The following KCNK12 variants were observed in gnomAD, a reference collection of about 807,000 sequenced individuals.
KCNK12 encodes the protein potassium two pore domain channel subfamily K member 12.
Under a neutral mutation model 25.3 loss-of-function variants are expected in KCNK12, and 6 were observed. That is an observed-to-expected ratio of 0.24 (90% CI 0.13 to 0.47). The LOEUF is 0.47. Among genes scored for constraint, KCNK12 ranks in the 20% least tolerant of loss-of-function variants. The pLI is 0.99. For missense variants in KCNK12, 444 were observed against 661.7 expected (o/e 0.67, Z 3.61); for synonymous variants, 331 against 311.1 (o/e 1.06, Z -0.67).
chr2:47,558,170 C>A (rs1669588920), intron 1 of KCNK12, among the ~76,000 whole-genome samples: 2 of 152,240 alleles, frequency 1.3e-5, no homozygotes, highest in Admixed American at 1.3e-4. Flanking sequence ...GTGCCAGGCA[C>A]TGGAGACATG....
chr2:47,535,439 C>T (rs1320888373), intron 1 of KCNK12, among the ~76,000 whole-genome samples: 1 of 152,122 alleles, frequency 6.6e-6, no homozygotes, highest in Non-Finnish European at 1.5e-5. Flanking sequence ...GGGTAAGGTG[C>T]ACCCCTCCTC....
rs566945598 is a variant in KCNK12 at position 47,562,529 on chromosome 2, C to T, written c.391+7412G>A. ...GAGGCAGCACTCACAAGACAGAGTCCGGAGCATTCTCCACCACAGCCAGTG... is the reference window on the plus strand; with the variant it reads ...GAGGCAGCACTCACAAGACAGAGTCTGGAGCATTCTCCACCACAGCCAGTG... On this transcript the variant is annotated intron_variant, in intron 1 of 1. Coordinates refer to ENST00000327876, the MANE Select transcript of KCNK12 (RefSeq NM_022055.2). This position sits in a 1 kb window ranked among gnomAD's most constrained non-coding sequence, Gnocchi z 4.8. 1.5e-4 allele frequency: 35 copies of T among 236,376 alleles called. 1 individual carries two copies. The South Asian group carries it at 4.7e-3, about 32-fold the overall frequency. 14.6% of individuals were successfully genotyped at this position (236,376 alleles called of 1,614,324 possible).
intron 1 of KCNK12, among the ~76,000 whole-genome samples, chr2:47,534,438 C>G (rs1173908389): frequency 6.9e-6 from 1 of 144,202 alleles, no homozygotes; most frequent in Non-Finnish European, 1.5e-5. Context: ...CCAGGCCCCC[C>G]CCACCGCCAC....
chr2:47,561,656 A>C (rs959990389), intron 1 of KCNK12, among the ~76,000 whole-genome samples: 5 of 152,192 alleles, frequency 3.3e-5, no homozygotes, highest in African/African-American at 1.2e-4. Flanking sequence ...CATGGTTACC[A>C]GGCACTGCAC....
rs562687999 is a variant in KCNK12, at chr2:47,560,748, G to A, written c.391+9193C>T. 6.6e-6 allele frequency among the ~76,000 whole-genome samples: 1 copy of A among 152,324 alleles called. No homozygotes were observed. The highest frequency in any genetic ancestry group is 2.4e-5 in the African/African-American group (1 of 41,566). ...AGTGAACTGGCAAACATGACATGTG[G>A]CAGGGAGGGGAGTCAATCAGGGAGA... On this transcript the variant is annotated intron_variant, in intron 1 of 1. Transcript: ENST00000327876. The surrounding 1 kb of genome is among the most constrained non-coding windows in gnomAD (Gnocchi z 4.7).
At chr2:47,526,867 C>T (rs537750259) in intron 1 of KCNK12, among the ~76,000 whole-genome samples, 4 of 152,212 alleles carry the variant, frequency 2.6e-5, no homozygotes, top group Admixed American at 6.5e-5. Flanking sequence ...TTTCCAGTGT[C>T]GGCCCATTTA....
In KCNK12 at chr2:47,514,542, C is replaced by T. The variant is rs1165587599; in HGVS notation, c.*6365G>A. Among the ~76,000 whole-genome samples the T allele has an allele frequency of 6.6e-6, 1 of 152,132 alleles. No individual in the cohort carries two copies. The highest frequency in any genetic ancestry group is 1.5e-5 in the Non-Finnish European group (1 of 68,022). On this transcript the variant is annotated 3_prime_UTR_variant, in exon 2 of 2. Transcript: ENST00000327876. The surrounding 1 kb of genome is among the most constrained non-coding windows in gnomAD (Gnocchi z 5.0). The stretch of plus-strand genomic sequence containing the variant: ...CAGGGGATTAAATAAGATAAATATG[C>T]AAGTCTCTTATCTGGGGGTCTGGCT...
intron 1 of KCNK12, among the ~76,000 whole-genome samples, chr2:47,530,900 A>T (rs1489952826): frequency 2.0e-5 from 3 of 152,236 alleles, no homozygotes; most frequent in Non-Finnish European, 4.4e-5. Context: ...CAAGATCACA[A>T]AGCAAGCACA....
rs1263599491 is a variant in KCNK12 at position 47,565,416 on chromosome 2, C to T, written c.391+4525G>A. ...TTAGGACTTGTTACTAATCTCGTGG[C>T]TGAATAATTAAGTGTGCCTAATTCT... On this transcript the variant is annotated intron_variant, in intron 1 of 1. Transcript: ENST00000327876. This position sits in a 1 kb window ranked among gnomAD's most constrained non-coding sequence, Gnocchi z 5.0. 6.6e-6 allele frequency: 1 copy of T among 152,082 alleles called. No individual in the cohort carries two copies. The highest frequency in any genetic ancestry group is 1.5e-5 in the Non-Finnish European group (1 of 68,034). 9.4% of individuals were successfully genotyped at this position (152,082 alleles called of 1,614,324 possible). A position where few individuals can be genotyped will look rare whatever the true frequency, so the allele number is the denominator to read the frequency against.
chr2:47,562,696 C>T lies in KCNK12; in HGVS notation c.391+7245G>A, dbSNP rs889787487. On this transcript the variant is annotated intron_variant, in intron 1 of 1. Transcript: ENST00000327876. The surrounding 1 kb of genome is among the most constrained non-coding windows in gnomAD (Gnocchi z 4.8). Reference sequence around the variant, plus strand: ...GGTGAGAGCCAAGGGGCTTCAGTACCCTTCTTCATTCTCTACCAGCACCTC... The same window carrying T: ...GGTGAGAGCCAAGGGGCTTCAGTACTCTTCTTCATTCTCTACCAGCACCTC... 13 of 233,126 alleles carry T rather than the reference C, an allele frequency of 5.6e-5. No homozygotes were observed. Among genetic ancestry groups the T allele is most frequent in the South Asian group, 1.8e-4 (1 of 5,522 alleles). The allele number at this position is 233,126 out of a possible 1,614,324, so 14.4% of individuals were successfully genotyped here. A position where few individuals can be genotyped will look rare whatever the true frequency, so the allele number is the denominator to read the frequency against.
rs910343855 is a variant in KCNK12, at chr2:47,557,423, CT to C, written c.391+12517del. ...CCTCCAGAATGGTGAGTGAAATCAA[CT>C]TTTTTTTGTTTGTTTTTTTTTAATA... On this transcript the variant is annotated intron_variant, in intron 1 of 1. Transcript: ENST00000327876. The surrounding 1 kb of genome is among the most constrained non-coding windows in gnomAD (Gnocchi z 4.9). 2.0e-5 allele frequency among the ~76,000 whole-genome samples: 3 copies of C among 151,690 alleles called. No homozygotes were observed. The highest frequency in any genetic ancestry group is 7.3e-5 in the African/African-American group (3 of 41,246).
chr2:47,553,226 TATAAA>T (rs1047335383), intron 1 of KCNK12, among the ~76,000 whole-genome samples: 1 of 152,220 alleles, frequency 6.6e-6, no homozygotes, highest in African/African-American at 2.4e-5. Context: ...CACCAGTAGC[TATAAA>T]ATAAAATTAT....
chr2:47,523,493 G>A (rs72812324), intron 1 of KCNK12, among the ~76,000 whole-genome samples: 5,167 of 152,324 alleles, frequency 0.034, 122 homozygotes, highest in South Asian at 0.055. Context: ...GGCCCTTATC[G>A]TTGTTAACTT....
At position 47,512,389 on chromosome 2, in the gene KCNK12, C is replaced by T; in HGVS notation, c.*8518G>A. 1 of 1,611,538 alleles carries T rather than the reference C, an allele frequency of 6.2e-7. No individual in the cohort carries two copies. The highest frequency in any genetic ancestry group is 1.3e-5 in the African/African-American group (1 of 75,016). ...TTCGTGGGGGAAAGAGATCTGCTTG[C>T]AGTCGGCCAGAGAGACAGAACCAGG... On this transcript the variant is annotated 3_prime_UTR_variant, in exon 2 of 2. Coordinates refer to ENST00000327876, the MANE Select transcript of KCNK12 (RefSeq NM_022055.2).
intron 1 of KCNK12, among the ~76,000 whole-genome samples, chr2:47,553,185 G>A (rs1286650637): frequency 6.6e-6 from 1 of 152,218 alleles, no homozygotes; most frequent in African/African-American, 2.4e-5. Context: ...AGTCCAATGT[G>A]ACGAATTCTG....
rs1463614682 is a variant in KCNK12 at position 47,551,774 on chromosome 2, ATTCAG to A, written c.391+18162_391+18166del. Among the ~76,000 whole-genome samples the A allele has an allele frequency of 6.6e-6, 1 of 152,232 alleles. No individual in the cohort carries two copies. Among genetic ancestry groups the A allele is most frequent in the African/African-American group, 2.4e-5 (1 of 41,460 alleles). Reference sequence around the variant, plus strand: ...GGGGAAGGCAGATTATTGGTTTAAGATTCAGTTCTAGCCACAGGCTGCACTGTGCA... The same window carrying A: ...GGGGAAGGCAGATTATTGGTTTAAGATTCTAGCCACAGGCTGCACTGTGCA... On this transcript the variant is annotated intron_variant, in intron 1 of 1. Coordinates refer to ENST00000327876, the MANE Select transcript of KCNK12 (RefSeq NM_022055.2). The surrounding 1 kb of genome is among the most constrained non-coding windows in gnomAD (Gnocchi z 5.3).
At position 47,511,654 on chromosome 2, in the gene KCNK12, A is replaced by G. The variant is rs1181207546; in HGVS notation, c.*9253T>C. Among the ~76,000 whole-genome samples, 1 of 152,182 alleles carries G rather than the reference A, an allele frequency of 6.6e-6. No homozygotes were observed. The highest frequency in any genetic ancestry group is 2.4e-5 in the African/African-American group (1 of 41,444). On this transcript the variant is annotated 3_prime_UTR_variant, in exon 2 of 2. Coordinates refer to ENST00000327876, the MANE Select transcript of KCNK12 (RefSeq NM_022055.2). This position sits in a 1 kb window ranked among gnomAD's most constrained non-coding sequence, Gnocchi z 4.3. ...GGGGTCTTTCCATAGGGGATGAGGA[A>G]GACAAGGCCACTTGGAGGCAGAGGA...
Position 47,528,671 on chromosome 2 carries a change from A to C in KCNK12, c.392-6863T>G, listed in dbSNP as rs1034483211. On this transcript the variant is annotated intron_variant, in intron 1 of 1. Coordinates refer to ENST00000327876, the MANE Select transcript of KCNK12 (RefSeq NM_022055.2). This position sits in a 1 kb window ranked among gnomAD's most constrained non-coding sequence, Gnocchi z 4.5. ...AGCCTGCTATTTTGTTTATGCCACA[A>C]TTGATCTGCCATCCCAGTTTGCAAA... is the stretch of plus-strand genomic sequence containing the variant. Among the ~76,000 whole-genome samples, 1 of 152,180 alleles carries C rather than the reference A, an allele frequency of 6.6e-6. No homozygotes were observed. Among genetic ancestry groups the C allele is most frequent in the South Asian group, 2.1e-4 (1 of 4,830 alleles).
intron 1 of KCNK12, among the ~76,000 whole-genome samples, chr2:47,527,282 C>G (rs1250160059): frequency 6.6e-6 from 1 of 152,194 alleles, no homozygotes; most frequent in Non-Finnish European, 1.5e-5. Flanking sequence ...TCCTCTCTGG[C>G]CTCCTTTCTA....
Sources: gnomAD v4.1 joint callset for allele counts (sites outside exome capture counted in the v4.1 genomes callset) on GRCh38, gnomAD v4.1.1 for gene constraint, Gnocchi (gnomAD v3.1) non-coding constraint, MANE v1.5 for transcripts, NCBI Gene and HGNC (gene_info 2026-07-23, HGNC 2026-07-21) for gene names.